Variants in GLRA3 observed in about 807,000 individuals in gnomAD.
The protein encoded by GLRA3 is glycine receptor alpha 3, also known as glycine receptor subunit alpha-3.
GLRA3 carries 44 observed loss-of-function variants against 60.4 expected under a neutral mutation model. The ratio of observed to expected loss-of-function variants is 0.73; its 90% CI spans 0.57 to 0.94. GLRA3 has a LOEUF of 0.94. Ranked by LOEUF, GLRA3 falls within the 40% of genes least tolerant of loss-of-function variation. The pLI, the probability that GLRA3 is intolerant of heterozygous loss-of-function variation, is 0.00. For synonymous variants in GLRA3, 223 were observed against 192.9 expected, an observed-to-expected ratio of 1.16 and a Z score of -1.29; for missense variants, 508 against 564.6, an observed-to-expected ratio of 0.90 and a Z score of 1.02.
At chr4:174,666,723 T>C (rs1440210298) in intron 7 of GLRA3, among the ~76,000 whole-genome samples, 1 of 143,762 alleles carries the variant, frequency 7.0e-6, no homozygotes, top group Non-Finnish European at 1.5e-5. Flanking sequence ...AGCCTGCCTC[T>C]TGCATCTCAA....
At chr4:174,671,527 G>A (rs1317412319) in intron 7 of GLRA3, among the ~76,000 whole-genome samples, 1 of 152,038 alleles carries the variant, frequency 6.6e-6, no homozygotes. Flanking sequence ...CAACACAATT[G>A]TGGTGTTCAA....
intron 3 of GLRA3, among the ~76,000 whole-genome samples, chr4:174,741,412 C>T (rs1737021228): frequency 6.6e-6 from 1 of 152,082 alleles, no homozygotes; most frequent in African/African-American, 2.4e-5. Flanking sequence ...ATTTAAATTG[C>T]TCATTAAAAG....
chr4:174,771,276 A>C (rs1355417633), intron 2 of GLRA3, among the ~76,000 whole-genome samples: 12 of 152,076 alleles, frequency 7.9e-5, no homozygotes, highest in Admixed American at 7.9e-4. Flanking sequence ...TCCGTCCTAA[A>C]AAAGGATGAG....
In GLRA3 at chr4:174,637,848, C is replaced by A. The variant is rs1172404796; in HGVS notation, c.*5938G>T. ...ATTAACAGTTACTGAAAATAATATACATAGAAATTTTCATCAATTTCTATT... is the reference window on the plus strand; with the variant it reads ...ATTAACAGTTACTGAAAATAATATAAATAGAAATTTTCATCAATTTCTATT... On this transcript the variant is annotated 3_prime_UTR_variant, in exon 10 of 10. Coordinates refer to ENST00000274093, the MANE Select transcript of GLRA3 (RefSeq NM_006529.4). The A allele has an allele frequency of 6.6e-6, 1 of 151,832 alleles. No homozygotes were observed. Among genetic ancestry groups the A allele is most frequent in the Admixed American group, 6.6e-5 (1 of 15,232 alleles). 9.4% of individuals were successfully genotyped at this position (151,832 alleles called of 1,614,324 possible).
intron 5 of GLRA3, among the ~76,000 whole-genome samples, chr4:174,684,140 T>C (rs1044059725): frequency 1.3e-5 from 2 of 152,150 alleles, no homozygotes; most frequent in African/African-American, 2.4e-5. Flanking sequence ...ATAGAACTCA[T>C]GTATTTTCTT....
intron 2 of GLRA3, among the ~76,000 whole-genome samples, chr4:174,775,135 T>C (rs182942052): frequency 1.3e-3 from 204 of 152,312 alleles, no homozygotes; most frequent in African/African-American, 4.6e-3. Context: ...GAAGAGCTTA[T>C]TATTCAAGAG....
intron 3 of GLRA3, among the ~76,000 whole-genome samples, chr4:174,737,258 T>C (rs1736834693): frequency 6.6e-6 from 1 of 152,208 alleles, no homozygotes; most frequent in Admixed American, 6.5e-5. Flanking sequence ...TTTTTAGTTA[T>C]ACACACACAT....
intron 3 of GLRA3, among the ~76,000 whole-genome samples, chr4:174,760,616 G>A (rs192170534): frequency 1.1e-3 from 171 of 152,196 alleles, no homozygotes; most frequent in Middle Eastern, 6.8e-3. Context: ...CGCCTCCTGG[G>A]TTCAAGCAAT....
chr4:174,791,122 G>A (rs915696772), intron 1 of GLRA3, among the ~76,000 whole-genome samples: 1 of 151,856 alleles, frequency 6.6e-6, no homozygotes, highest in Non-Finnish European at 1.5e-5. Context: ...GCAACAACAT[G>A]TAAGGATATA....
At chr4:174,719,241 G>T (rs1455017542) in intron 4 of GLRA3, among the ~76,000 whole-genome samples, 1 of 152,062 alleles carries the variant, frequency 6.6e-6, no homozygotes, top group Non-Finnish European at 1.5e-5. Context: ...GGGATTACAG[G>T]CGTGAGCCAC....
chr4:174,731,450 T>A (rs181917863), intron 3 of GLRA3, among the ~76,000 whole-genome samples: 29 of 152,272 alleles, frequency 1.9e-4, no homozygotes, highest in Non-Finnish European at 4.4e-5. Context: ...AAAAGGGCCT[T>A]GTACAACACA....
chr4:174,693,209 G>A (rs921332786), intron 5 of GLRA3, among the ~76,000 whole-genome samples: 35 of 152,252 alleles, frequency 2.3e-4, no homozygotes, highest in Middle Eastern at 3.4e-3. Flanking sequence ...TGCTTTTGGT[G>A]TCTTTATCAT....
chr4:174,696,033 G>A (rs1735039366), intron 5 of GLRA3, among the ~76,000 whole-genome samples: 1 of 151,816 alleles, frequency 6.6e-6, no homozygotes, highest in Admixed American at 6.6e-5. Flanking sequence ...GGAATAACCA[G>A]GGAGATGAAA....
intron 4 of GLRA3, among the ~76,000 whole-genome samples, chr4:174,722,460 A>T (rs1223756968): frequency 6.6e-6 from 1 of 152,160 alleles, no homozygotes; most frequent in African/African-American, 2.4e-5. Context: ...AATATTAATT[A>T]TTCTCTTCCT....
In GLRA3 at chr4:174,728,679, A is replaced by C; in HGVS notation, c.287T>G (p.Phe96Cys). 1.9e-6 allele frequency: 3 copies of C among 1,594,924 alleles called. No individual in the cohort carries two copies. The highest frequency in any genetic ancestry group is 2.6e-6 in the Non-Finnish European group (3 of 1,163,526). ...ETTMDYRVNIFLRQKWNDPRL... is the reference protein window; with the variant it reads ...ETTMDYRVNICLRQKWNDPRL... ...GGGATCATTCCATTTCTGACGAAGAAAGATATTCACTCTGTAATCCTATGA... is the reference window on the plus strand; with the variant it reads ...GGGATCATTCCATTTCTGACGAAGACAGATATTCACTCTGTAATCCTATGA... The change falls in exon 4 of 10, where the codon TTT becomes TGT. Residue 96 changes from phenylalanine to cysteine, a missense_variant. Coordinates refer to ENST00000274093, the MANE Select transcript of GLRA3 (RefSeq NM_006529.4).
chr4:174,729,243 T>G (rs1561081800), intron 3 of GLRA3, among the ~76,000 whole-genome samples: 1 of 152,248 alleles, frequency 6.6e-6, no homozygotes, highest in Non-Finnish European at 1.5e-5. Context: ...TCTTTGCATT[T>G]ATTTTTAGAA....
At chr4:174,802,242 G>A (rs1029784960) in intron 1 of GLRA3, among the ~76,000 whole-genome samples, 2 of 151,926 alleles carry the variant, frequency 1.3e-5, no homozygotes, top group Non-Finnish European at 2.9e-5. Flanking sequence ...TTTTCCCATA[G>A]AGCTGATGTT....
intron 1 of GLRA3, among the ~76,000 whole-genome samples, chr4:174,791,094 TCAAGGGCAGTTCTATATG>T (rs1373621335): frequency 6.6e-6 from 1 of 151,590 alleles, no homozygotes; most frequent in Non-Finnish European, 1.5e-5. Flanking sequence ...TCCTAGATTA[TCAAGGGCAGTTCTATATG>T]CAACAACATG....
rs75367841 is a variant in GLRA3, at chr4:174,677,721, C to T, written c.713-429G>A. Among the ~76,000 whole-genome samples the T allele has an allele frequency of 7.2e-3, 1,088 of 152,150 alleles. 13 individuals carry two copies. Among genetic ancestry groups the T allele is most frequent in the African/African-American group, 0.025 (1,037 of 41,514 alleles). On this transcript the variant is annotated intron_variant, in intron 6 of 9. Coordinates refer to ENST00000274093, the MANE Select transcript of GLRA3 (RefSeq NM_006529.4). The stretch of plus-strand genomic sequence containing the variant: ...CTTTCCATGACAATGAAAAGAGTCT[C>T]GTATTGATTCTTGAAAAAATATTTT...
Sources: gnomAD v4.1 joint callset for allele counts (sites outside exome capture counted in the v4.1 genomes callset) on GRCh38, gnomAD v4.1.1 for gene constraint, MANE v1.5 for transcripts, NCBI Gene and HGNC (gene_info 2026-07-23, HGNC 2026-07-21) for gene names.